RBM41: variants seen among roughly 807,000 people sequenced by gnomAD.
RBM41 encodes the protein RNA-binding protein 41.
Under a neutral mutation model 30.8 loss-of-function variants are expected in RBM41, and 14 were observed. That is an observed-to-expected ratio of 0.45 (90% CI 0.30 to 0.71). The LOEUF is 0.71. Among genes scored for constraint, RBM41 ranks in the 30% least tolerant of loss-of-function variants. The pLI is 0.08. For missense variants in RBM41, 276 were observed against 326.3 expected (o/e 0.85, Z 1.19); for synonymous variants, 120 against 110.1 (o/e 1.09, Z -0.56).
intron 5 of RBM41, among the ~76,000 whole-genome samples, chrX:107,095,486 C>T (rs1293108372): frequency 1.8e-5 from 2 of 109,401 alleles, no homozygotes; most frequent in African/African-American, 6.7e-5. Flanking sequence ...ATCCCAGCTA[C>T]TCAGGAGGTT....
intron 6 of RBM41, among the ~76,000 whole-genome samples, chrX:107,085,109 A>G (rs967906723): frequency 1.8e-5 from 2 of 111,486 alleles, no homozygotes; most frequent in Non-Finnish European, 3.8e-5. Context: ...TCTCTAGGAT[A>G]GATAATGAAG....
chrX:107,069,170 G>C (rs986613671), intron 7 of RBM41, 85 bp downstream of exon 7: 38 of 835,211 alleles, frequency 4.5e-5, no homozygotes, highest in Non-Finnish European at 6.4e-5. Flanking sequence ...AGAAATCAAA[G>C]GACTATATCT....
rs768372674 is a variant in RBM41 at position 107,067,297 on chromosome X, C to T, written c.*230G>A. 2.9e-4 allele frequency: 265 copies of T among 905,917 alleles called. No homozygotes were observed. Among genetic ancestry groups the T allele is most frequent in the Middle Eastern group, 4.7e-4 (1 of 2,117 alleles). The allele number at this position is 905,917 out of a possible 1,213,427, so 74.7% of individuals were successfully genotyped here. On this transcript the variant is annotated 3_prime_UTR_variant, in exon 8 of 8. Transcript: ENST00000685964. The stretch of plus-strand genomic sequence containing the variant: ...TAATTCATCCTGAGAAAATAATACT[C>T]TTTGCACTTTACCCTTCATACTCAG...
At chrX:107,100,833 CCCCAAATGGAAACAA>C (rs1233707642) in intron 5 of RBM41, among the ~76,000 whole-genome samples, 3 of 111,794 alleles carry the variant, frequency 2.7e-5, no homozygotes, top group African/African-American at 9.8e-5. Flanking sequence ...ATATACAGCC[CCCCAAATGGAAACAA>C]CCCAAATGTG....
intron 5 of RBM41, among the ~76,000 whole-genome samples, chrX:107,110,952 T>C (rs1012644326): frequency 2.7e-5 from 3 of 110,951 alleles, no homozygotes; most frequent in African/African-American, 9.8e-5. Flanking sequence ...TCTCAGAAGA[T>C]AACATAAGGA....
Position 107,101,065 on chromosome X carries a change from G to A in RBM41, c.596-12226C>T, listed in dbSNP as rs1039689412. ...TCACTGACACAATGCTTAAGCACAG[G>A]CAAAACCAAACCAGACTGTCTAGTG... On this transcript the variant is annotated intron_variant, in intron 5 of 7. Transcript: ENST00000685964. Among the ~76,000 whole-genome samples the A allele has an allele frequency of 4.5e-5, 5 of 111,701 alleles. No individual in the cohort carries two copies. In the East Asian group the frequency reaches 1.1e-3, roughly 25 times the overall value.
At chrX:107,055,913 T>C in the RBM41 span, among the ~76,000 whole-genome samples, 4 of 112,343 alleles carry the variant, frequency 3.6e-5, no homozygotes, top group Non-Finnish European at 7.5e-5. Flanking sequence ...AAGAGTTTTA[T>C]GGTTTTAGCC....
downstream of RBM41, among the ~76,000 whole-genome samples, chrX:107,058,454 C>T (rs777931782): frequency 3.0e-4 from 33 of 111,125 alleles, no homozygotes; most frequent in African/African-American, 1.0e-3. Flanking sequence ...TATTATTGCT[C>T]TCATTTCAAA....
chrX:107,054,635 C>T, the RBM41 span, among the ~76,000 whole-genome samples: 9 of 111,897 alleles, frequency 8.0e-5, no homozygotes, highest in African/African-American at 2.9e-4. Context: ...GCCAAGGAAC[C>T]CTCTTACTTG....
intron 6 of RBM41, chrX:107,070,061 T>C (rs1935997047): frequency 3.9e-6 from 1 of 257,100 alleles, no homozygotes; most frequent in Non-Finnish European, 7.2e-6. Flanking sequence ...AATCCTTAAA[T>C]AGTTCAGGAA....
chrX:107,061,593 T>C (rs1421860318), downstream of RBM41, among the ~76,000 whole-genome samples: 3 of 111,984 alleles, frequency 2.7e-5, no homozygotes, highest in Non-Finnish European at 5.6e-5. Flanking sequence ...CTTATATGTA[T>C]ATGTGTATAC....
In RBM41 at chrX:107,063,627, CAT is replaced by C. The variant is rs1314634772; in HGVS notation, c.*3898_*3899del. Among the ~76,000 whole-genome samples the C allele has an allele frequency of 1.8e-5, 2 of 111,785 alleles. No homozygotes were observed. The highest frequency in any genetic ancestry group is 6.5e-5 in the African/African-American group (2 of 30,785). On this transcript the variant is annotated 3_prime_UTR_variant, in exon 8 of 8. Coordinates refer to ENST00000685964, the MANE Select transcript of RBM41 (RefSeq NM_001324242.2). Reference sequence around the variant, plus strand: ...GTCCACTTCATTGATAATTTATTGACATAAAATTATTCATAATATGCCTTCAT... The same window carrying C: ...GTCCACTTCATTGATAATTTATTGACAAAATTATTCATAATATGCCTTCAT...
At position 107,069,248 on chromosome X, in the gene RBM41, T is replaced by C; in HGVS notation, c.1147+7A>G. 1 of 1,197,098 alleles carries C rather than the reference T, an allele frequency of 8.4e-7. No homozygotes were observed. The highest frequency in any genetic ancestry group is 1.1e-6 in the Non-Finnish European group (1 of 886,997). ...AACTGAGTAATCATCTGGATGAAAC[T>C]ACTTACTGGGAAAGGTGATAAAAGC... On this transcript the variant is annotated splice_region_variant and intron_variant, in intron 7 of 7. Transcript: ENST00000685964.
the RBM41 span, among the ~76,000 whole-genome samples, chrX:107,052,475 G>C: frequency 9.0e-6 from 1 of 110,966 alleles, no homozygotes; most frequent in East Asian, 2.9e-4. Flanking sequence ...GAAAACCCAA[G>C]TGCTGCTGGG....
intron 6 of RBM41, among the ~76,000 whole-genome samples, chrX:107,085,254 CTTTTTCTTT>C (rs1486634094): frequency 2.4e-5 from 2 of 82,975 alleles, no homozygotes; most frequent in African/African-American, 1.3e-4. Flanking sequence ...TCTTTTTTTT[CTTTTTCTTT>C]TTTTTTTTTT....
intron 6 of RBM41, among the ~76,000 whole-genome samples, chrX:107,082,622 A>G (rs900641354): frequency 9.0e-6 from 1 of 111,211 alleles, no homozygotes; most frequent in Non-Finnish European, 1.9e-5. Context: ...GTAAAAAATG[A>G]GTATTATTTT....
At chrX:107,069,637 T>C (rs1935974017) in intron 6 of RBM41, 1 of 259,778 alleles carries the variant, frequency 3.8e-6, no homozygotes, top group Non-Finnish European at 6.7e-6. Flanking sequence ...GTATTTTTAG[T>C]AGACGTGGGG....
intron 5 of RBM41, 92 bp from the exon 6 acceptor site, chrX:107,088,931 A>G (rs1313570423): frequency 9.3e-7 from 1 of 1,080,406 alleles, no homozygotes; most frequent in Non-Finnish European, 1.2e-6. Context: ...GACCTCAGAT[A>G]AAGAAACACT....
chrX:107,093,223 G>A (rs1003374913), intron 5 of RBM41, among the ~76,000 whole-genome samples: 1 of 111,316 alleles, frequency 9.0e-6, no homozygotes, highest in Non-Finnish European at 1.9e-5. Context: ...AAGAGCTATG[G>A]GGTGGTTGTA....
Sources: gnomAD v4.1 joint callset for allele counts (sites outside exome capture counted in the v4.1 genomes callset) on GRCh38, gnomAD v4.1.1 for gene constraint, MANE v1.5 for transcripts, NCBI Gene and HGNC (gene_info 2026-07-23, HGNC 2026-07-21) for gene names.